Variants in CCDC57 observed in about 807,000 individuals in gnomAD.
CCDC57 encodes coiled-coil domain containing 57, also known as coiled-coil domain-containing protein 57.
CCDC57 carries 118 observed loss-of-function variants against 118.9 expected under a neutral mutation model. That is an observed-to-expected ratio of 0.99 (90% CI 0.86 to 1.16). The LOEUF (loss-of-function observed/expected upper bound fraction) is 1.16. Ranked by LOEUF, CCDC57 falls within the 50% of genes most tolerant of loss-of-function variation. The pLI, the probability that CCDC57 is intolerant of heterozygous loss-of-function variation, is 0.00. For missense variants in CCDC57, 1,300 were observed against 1,320.7 expected, an observed-to-expected ratio of 0.98 and a Z score of 0.24; for synonymous variants, 527 against 532.9, an observed-to-expected ratio of 0.99 and a Z score of 0.15.
At chr17:82,188,245 G>C in exon 8 of CCDC57, 3 of 1,558,320 alleles carry the variant, frequency 1.9e-6, no homozygotes, top group Non-Finnish European at 2.6e-6. Context: ...CCTTCTCCTT[G>C]GCGGTGTCAG....
intron 19 of CCDC57, among the ~76,000 whole-genome samples, chr17:82,121,143 C>T (rs1289435153): frequency 1.3e-5 from 2 of 152,200 alleles, no homozygotes; most frequent in Non-Finnish European, 2.9e-5. Context: ...CCCAGCTACT[C>T]AGGAGGCTGG....
At chr17:82,149,258 T>TG (rs111669968) in intron 16 of CCDC57, among the ~76,000 whole-genome samples, 32 of 90,044 alleles carry the variant, frequency 3.6e-4, no homozygotes, top group Non-Finnish European at 5.5e-4. Context: ...GATGGATGGA[T>TG]GGGGGGGGTG....
In CCDC57 at chr17:82,117,633, C is replaced by T. The variant is rs953987554; in HGVS notation, c.2899+10059G>A. On this transcript the variant is annotated intron_variant, in intron 19 of 19. Transcript: ENST00000665763. ...CTGCGGCACTACACTCCAGCCTGGGCGACGGAGTGAGACTCCATCTCAAAA... is the reference window on the plus strand; with the variant it reads ...CTGCGGCACTACACTCCAGCCTGGGTGACGGAGTGAGACTCCATCTCAAAA... Among the ~76,000 whole-genome samples, 4 of 151,688 alleles carry T rather than the reference C, an allele frequency of 2.6e-5. No individual in the cohort carries two copies. In the South Asian group the frequency reaches 6.2e-4, roughly 24 times the overall value.
chr17:82,161,739 A>C (rs1339319961), intron 14 of CCDC57, among the ~76,000 whole-genome samples: 1 of 152,176 alleles, frequency 6.6e-6, no homozygotes, highest in Non-Finnish European at 1.5e-5. Flanking sequence ...GCTGGGAAGC[A>C]GGGAAGGGGT....
chr17:82,134,399 G>A (rs892514517), intron 16 of CCDC57: 5 of 409,308 alleles, frequency 1.2e-5, no homozygotes, highest in Admixed American at 9.0e-5. Context: ...ACAATGCCAC[G>A]CCCCTGCCAC....
intron 19 of CCDC57, among the ~76,000 whole-genome samples, chr17:82,123,367 G>C (rs967762603): frequency 6.8e-6 from 1 of 146,710 alleles, no homozygotes; most frequent in Non-Finnish European, 1.5e-5. Flanking sequence ...GAGTTCAAGC[G>C]ATCCTCCCAC....
chr17:82,170,600 G>A (rs2044570701), intron 13 of CCDC57, among the ~76,000 whole-genome samples: 1 of 151,802 alleles, frequency 6.6e-6, no homozygotes, highest in South Asian at 2.1e-4. Flanking sequence ...GTCCACATGA[G>A]CACGCAGGGG....
At chr17:82,158,530 TAAA>T (rs1448704105) in intron 14 of CCDC57, among the ~76,000 whole-genome samples, 2 of 150,680 alleles carry the variant, frequency 1.3e-5, no homozygotes, top group Non-Finnish European at 3.0e-5. Flanking sequence ...TACTAAAAAA[TAAA>T]AAAAATTAGC....
chr17:82,120,401 T>C (rs953449890), intron 19 of CCDC57, among the ~76,000 whole-genome samples: 1 of 152,170 alleles, frequency 6.6e-6, no homozygotes, highest in African/African-American at 2.4e-5. Flanking sequence ...GTTTCTAGAA[T>C]GGAGCTTTCA....
chr17:82,146,095 C>A (rs1489157848), intron 16 of CCDC57, among the ~76,000 whole-genome samples: 1 of 152,224 alleles, frequency 6.6e-6, no homozygotes. Flanking sequence ...GCAGGTGACC[C>A]CTGGGCCACC....
intron 8 of CCDC57, chr17:82,185,238 G>A (rs144933595): frequency 1.3e-5 from 2 of 152,506 alleles, no homozygotes; most frequent in African/African-American, 4.8e-5. Context: ...AGGATCACCT[G>A]AGCCCAGGAG....
intron 13 of CCDC57, 33 bp from the exon 13 acceptor site, chr17:82,163,390 C>A (rs750095888): frequency 1.9e-6 from 3 of 1,608,590 alleles, no homozygotes; most frequent in South Asian, 1.1e-5. Context: ...TCAGCTCATA[C>A]CTGAGAACAA....
At chr17:82,165,722 C>T (rs2043910215) in intron 13 of CCDC57, among the ~76,000 whole-genome samples, 1 of 152,134 alleles carries the variant, frequency 6.6e-6, no homozygotes, top group African/African-American at 2.4e-5. Flanking sequence ...AGCCAGAATC[C>T]ACAGAACCAG....
At position 82,212,017 on chromosome 17, in the gene CCDC57, C is replaced by A. The variant is rs551987606; in HGVS notation, c.-211+768G>T. On this transcript the variant is annotated intron_variant, in intron 1 of 19. Coordinates refer to ENST00000665763, the Ensembl canonical transcript of CCDC57. This position sits in a 1 kb window ranked among gnomAD's most constrained non-coding sequence, Gnocchi z 4.1. ...GTAAAAAAATCGCTTCAGCTAGCCTCCCCTCCTCTATTTAGACCAAGGTAT... is the reference window on the plus strand; with the variant it reads ...GTAAAAAAATCGCTTCAGCTAGCCTACCCTCCTCTATTTAGACCAAGGTAT... Among the ~76,000 whole-genome samples the A allele has an allele frequency of 6.6e-6, 1 of 152,334 alleles. No individual in the cohort carries two copies. Among genetic ancestry groups the A allele is most frequent in the South Asian group, 2.1e-4 (1 of 4,826 alleles).
At chr17:82,169,700 C>T (rs531496186) in intron 13 of CCDC57, among the ~76,000 whole-genome samples, 1 of 152,136 alleles carries the variant, frequency 6.6e-6, no homozygotes, top group African/African-American at 2.4e-5. Context: ...CAAGAGGACT[C>T]GATCAAAGTA....
chr17:82,164,486 G>C (rs1188108846), intron 13 of CCDC57, among the ~76,000 whole-genome samples: 1 of 152,110 alleles, frequency 6.6e-6, no homozygotes, highest in Non-Finnish European at 1.5e-5. Flanking sequence ...ATGTATAATA[G>C]AGAATCAACA....
chr17:82,167,052 A>G (rs2044079490), intron 13 of CCDC57, among the ~76,000 whole-genome samples: 1 of 152,214 alleles, frequency 6.6e-6, no homozygotes, highest in Non-Finnish European at 1.5e-5. Context: ...GCACTGATAA[A>G]CCTGAAGAAC....
chr17:82,179,058 A>T, exon 10 of CCDC57: 1 of 1,613,892 alleles, frequency 6.2e-7, no homozygotes, highest in Non-Finnish European at 8.5e-7. Flanking sequence ...ACCCTGAATC[A>T]GGGCCTCTGA....
intron 13 of CCDC57, among the ~76,000 whole-genome samples, chr17:82,169,851 G>A (rs1260481657): frequency 1.3e-5 from 2 of 152,208 alleles, no homozygotes; most frequent in Admixed American, 1.3e-4. Context: ...CTATGAGTTT[G>A]TCTTGAAATT....
Sources: gnomAD v4.1 joint callset for allele counts (sites outside exome capture counted in the v4.1 genomes callset) on GRCh38, gnomAD v4.1.1 for gene constraint, Gnocchi (gnomAD v3.1) non-coding constraint, MANE v1.5 for transcripts, NCBI Gene and HGNC (gene_info 2026-07-23, HGNC 2026-07-21) for gene names.